KIZ: variants seen among roughly 807,000 people sequenced by gnomAD.
KIZ encodes the protein centrosomal protein kizuna.
A neutral mutation model predicts 79.6 loss-of-function variants in KIZ; 68 were observed. That is an observed-to-expected ratio of 0.85 (90% CI 0.70 to 1.05). KIZ has a LOEUF of 1.05. Ranked by LOEUF, KIZ falls within the 50% of genes least tolerant of loss-of-function variation. The pLI is 0.00. For missense variants in KIZ, 797 were observed against 800.4 expected (o/e 1.00, Z 0.05); for synonymous variants, 280 against 281.8 (o/e 0.99, Z 0.06).
chr20:21,203,308 T>C lies in KIZ; in HGVS notation c.1353-2183T>C, dbSNP rs529835971. Among the ~76,000 whole-genome samples, 4 of 152,318 alleles carry C rather than the reference T, an allele frequency of 2.6e-5. No homozygotes were observed. In the East Asian group the frequency reaches 5.8e-4, roughly 22 times the overall value. ...TTGGTTGGTATGTTTAACCAGTTCC[T>C]CTTTACTCTTTATTACCTGTAAACT... On this transcript the variant is annotated intron_variant, in intron 6 of 12. Coordinates refer to ENST00000619189, the MANE Select transcript of KIZ (RefSeq NM_018474.6).
At chr20:21,229,148 CCAG>C in intron 10 of KIZ, 33 bp downstream of exon 10, 5 of 1,274,418 alleles carry the variant, frequency 3.9e-6, no homozygotes, top group Non-Finnish European at 4.5e-6. Context: ...GTCCAGGGGC[CCAG>C]AGTGGCAGGC....
intron 2 of KIZ, among the ~76,000 whole-genome samples, chr20:21,134,802 G>A (rs1568905973): frequency 1.3e-5 from 2 of 151,766 alleles, no homozygotes; most frequent in Non-Finnish European, 2.9e-5. Flanking sequence ...GAGTAGCTGG[G>A]ATTACGGACA....
intron 11 of KIZ, among the ~76,000 whole-genome samples, chr20:21,234,266 G>GAGGT (rs2036925700): frequency 6.6e-6 from 1 of 151,964 alleles, no homozygotes; most frequent in South Asian, 2.1e-4. Context: ...AATTGAGACA[G>GAGGT]AGGTATTTTG....
intron 6 of KIZ, among the ~76,000 whole-genome samples, chr20:21,177,052 G>A (rs1197415406): frequency 1.3e-5 from 2 of 152,204 alleles, no homozygotes; most frequent in East Asian, 3.8e-4. Flanking sequence ...GAATAGTGCT[G>A]TGATGAACAC....
rs577138506 is a variant in KIZ at position 21,161,408 on chromosome 20, T to C, written c.406-463T>C. On this transcript the variant is annotated intron_variant, in intron 4 of 12. Coordinates refer to ENST00000619189, the MANE Select transcript of KIZ (RefSeq NM_018474.6). ...GTGCAGTGGCATGATCTCGGCTGAC[T>C]GCAGCCTCTGCTGCCCGGGTTCAAG... is the stretch of plus-strand genomic sequence containing the variant. 7.2e-5 allele frequency among the ~76,000 whole-genome samples: 11 copies of C among 152,354 alleles called. No individual in the cohort carries two copies. In the South Asian group the frequency reaches 1.7e-3, roughly 23 times the overall value.
chr20:21,205,162 T>C lies in KIZ; in HGVS notation c.1353-329T>C, dbSNP rs369564707. 6.6e-5 allele frequency among the ~76,000 whole-genome samples: 10 copies of C among 152,244 alleles called. No individual in the cohort carries two copies. In the East Asian group the frequency reaches 9.7e-4, roughly 15 times the overall value. On this transcript the variant is annotated intron_variant, in intron 6 of 12. Coordinates refer to ENST00000619189, the MANE Select transcript of KIZ (RefSeq NM_018474.6). ...AATAGATTAAAATTTTAAAGTAAAA[T>C]GTTTAAAAAGTCCACTGGCCAAGCC...
At chr20:21,207,483 C>G (rs2035877669) in intron 7 of KIZ, among the ~76,000 whole-genome samples, 1 of 111,818 alleles carries the variant, frequency 8.9e-6, no homozygotes, top group Non-Finnish European at 1.7e-5. Flanking sequence ...TCCCTTCCCT[C>G]TCCTTCTTTC....
chr20:21,177,894 G>A (rs1187678683), intron 6 of KIZ, among the ~76,000 whole-genome samples: 5 of 152,008 alleles, frequency 3.3e-5, no homozygotes, highest in African/African-American at 9.7e-5. Context: ...CATATGCATG[G>A]ATTGATTTAT....
At chr20:21,145,907 G>C (rs2032821881) in intron 4 of KIZ, among the ~76,000 whole-genome samples, 4 of 152,156 alleles carry the variant, frequency 2.6e-5, no homozygotes, top group Non-Finnish European at 5.9e-5. Flanking sequence ...AGGTAAAATT[G>C]TTTTTCTAAA....
chr20:21,163,158 G>C lies in KIZ; in HGVS notation c.1351G>C (p.Glu451Gln). Residue 451 changes from glutamate (E) to glutamine (Q), a missense_variant and splice_region_variant, in exon 6 of 13, where the codon GAA (glutamate) becomes CAA (glutamine). Transcript: ENST00000619189. ...KESSTNAPTR[E>Q]PGQTPDSDVP... ...ATCCTCCACTAACGCACCAACAAGA[G>C]AGTAAGCCATTCAATTTTTTTTTTC... The C allele has an allele frequency of 1.3e-6, 2 of 1,589,544 alleles. No homozygotes were observed. Among genetic ancestry groups the C allele is most frequent in the African/African-American group, 2.7e-5 (2 of 73,460 alleles).
intron 6 of KIZ, among the ~76,000 whole-genome samples, chr20:21,174,855 G>A (rs2034367773): frequency 6.6e-6 from 1 of 152,202 alleles, no homozygotes; most frequent in African/African-American, 2.4e-5. Context: ...AGAAAAATTT[G>A]TTGCTGAAAG....
chr20:21,238,100 G>A (rs902073335), intron 11 of KIZ, among the ~76,000 whole-genome samples: 4 of 152,066 alleles, frequency 2.6e-5, no homozygotes, highest in Admixed American at 1.3e-4. Flanking sequence ...CAAAGTGCTG[G>A]GATTATAGGC....
rs146265357 is a variant in KIZ at position 21,235,389 on chromosome 20, C to T, written c.1880+2559C>T. The stretch of plus-strand genomic sequence containing the variant: ...TATTAAAGATTCTTTCAGTGTAAAT[C>T]TTTTTCTACCATTGTATTTGCTTCA... On this transcript the variant is annotated intron_variant, in intron 11 of 12. Transcript: ENST00000619189. Among the ~76,000 whole-genome samples the T allele has an allele frequency of 4.1e-3, 630 of 152,276 alleles. 10 individuals are homozygous for T. The highest frequency in any genetic ancestry group is 0.014 in the African/African-American group (588 of 41,558).
chr20:21,229,866 A>G (rs1307787923), intron 10 of KIZ, among the ~76,000 whole-genome samples: 5 of 152,166 alleles, frequency 3.3e-5, no homozygotes, highest in African/African-American at 1.2e-4. Context: ...GTGAGCCACC[A>G]TGCCCAGTGA....
chr20:21,222,706 A>G (rs551713472), intron 9 of KIZ, among the ~76,000 whole-genome samples: 8 of 152,248 alleles, frequency 5.3e-5, no homozygotes, highest in Non-Finnish European at 1.0e-4. Context: ...TTGTGGGAGT[A>G]TAAGCCCTGT....
intron 8 of KIZ, among the ~76,000 whole-genome samples, chr20:21,215,083 C>T (rs2036231613): frequency 6.6e-6 from 1 of 152,164 alleles, no homozygotes; most frequent in African/African-American, 2.4e-5. Flanking sequence ...GTAAACATTA[C>T]TTTTAATTAT....
chr20:21,164,919 TA>T (rs2033859416), intron 6 of KIZ, among the ~76,000 whole-genome samples: 1 of 152,110 alleles, frequency 6.6e-6, no homozygotes, highest in South Asian at 2.1e-4. Context: ...ATTTTCTGGG[TA>T]AAAATATTCT....
intron 11 of KIZ, among the ~76,000 whole-genome samples, chr20:21,241,939 G>A (rs2037232800): frequency 6.6e-6 from 1 of 151,928 alleles, no homozygotes; most frequent in Non-Finnish European, 1.5e-5. Context: ...TGATTCTGAA[G>A]TGCAATATTG....
intron 6 of KIZ, chr20:21,197,488 T>C (rs1368117362): frequency 6.6e-6 from 1 of 152,246 alleles, no homozygotes; most frequent in African/African-American, 2.4e-5. Flanking sequence ...AACTTTGTTA[T>C]GATTGACAAT....
Sources: gnomAD v4.1 joint callset for allele counts (sites outside exome capture counted in the v4.1 genomes callset) on GRCh38, gnomAD v4.1.1 for gene constraint, MANE v1.5 for transcripts, NCBI Gene and HGNC (gene_info 2026-07-23, HGNC 2026-07-21) for gene names.